PCGF5: variants seen among roughly 807,000 people sequenced by gnomAD.
PCGF5 encodes polycomb group ring finger 5.
PCGF5 carries 9 observed loss-of-function variants against 44.3 expected under a neutral mutation model. That is an observed-to-expected ratio of 0.20 (90% CI 0.12 to 0.35). The LOEUF is 0.35. Among genes scored for constraint, PCGF5 ranks in the 10% least tolerant of loss-of-function variants. The probability of loss-of-function intolerance (pLI) is 1.00; values close to 1 mark genes in which losing one functional copy is unlikely to be tolerated. For missense variants in PCGF5, 146 were observed against 305.3 expected (o/e 0.48, Z 3.89); for synonymous variants, 95 against 102.5 (o/e 0.93, Z 0.44).
Position 91,242,786 on chromosome 10 carries a change from A to G in PCGF5, c.209+2206A>G, listed in dbSNP as rs568051046. ...TATTTGAGGGTAAGTTACATGTGTC[A>G]TGGCCCCTTACTCTTAAATGCTTTA... On this transcript the variant is annotated intron_variant, in intron 3 of 9. Transcript: ENST00000336126. Among the ~76,000 whole-genome samples, 3 of 152,284 alleles carry G rather than the reference A, an allele frequency of 2.0e-5. No homozygotes were observed. In the East Asian group the frequency reaches 5.8e-4, roughly 29 times the overall value.
chr10:91,280,577 A>T lies in PCGF5; in HGVS notation c.*2261A>T, dbSNP rs888440170. On this transcript the variant is annotated 3_prime_UTR_variant, in exon 10 of 10. Transcript: ENST00000336126. ...AACACGTGAAAAGCTTACATAAAGA[A>T]AGGCATCAGTTGTCGTTTGGAGAAA... 1 of 152,520 alleles carries T rather than the reference A, an allele frequency of 6.6e-6. No individual in the cohort carries two copies. The highest frequency in any genetic ancestry group is 2.4e-5 in the African/African-American group (1 of 41,470). The allele number at this position is 152,520 out of a possible 1,614,324, so 9.4% of individuals were successfully genotyped here.
intron 3 of PCGF5, among the ~76,000 whole-genome samples, chr10:91,247,187 TA>T (rs950337180): frequency 2.0e-5 from 3 of 151,554 alleles, no homozygotes; most frequent in South Asian, 4.2e-4. Context: ...ACTTGAACAT[TA>T]AAAAAAACAA....
intron 8 of PCGF5, among the ~76,000 whole-genome samples, chr10:91,270,021 A>G (rs1283851056): frequency 6.6e-6 from 1 of 152,244 alleles, no homozygotes; most frequent in Non-Finnish European, 1.5e-5. Context: ...TGAAGTGTTT[A>G]GCAGAGTGTC....
chr10:91,227,253 T>G (rs1008345679), intron 2 of PCGF5: 1 of 449,200 alleles, frequency 2.2e-6, no homozygotes, highest in Non-Finnish European at 4.3e-6. Context: ...TTTTTTCCTG[T>G]GTGAACTCAT....
chr10:91,185,757 T>C (rs927293728), intron 1 of PCGF5, among the ~76,000 whole-genome samples: 1 of 152,130 alleles, frequency 6.6e-6, no homozygotes, highest in African/African-American at 2.4e-5. Context: ...GTTGCAAAGA[T>C]TGGTGGGGCA....
Position 91,209,259 on chromosome 10 carries a change from G to A in PCGF5, c.-183-13430G>A, listed in dbSNP as rs563559202. 2.4e-3 allele frequency among the ~76,000 whole-genome samples: 372 copies of A among 152,142 alleles called. 2 individuals carry two copies. The highest frequency in any genetic ancestry group is 3.9e-3 in the Non-Finnish European group (264 of 68,008). ...TATGTTAATTGATGGAATCTTCCTT[G>A]TAGAAGAAGAGAACTTTACAAGTGA... On this transcript the variant is annotated intron_variant, in intron 1 of 9. Coordinates refer to the PCGF5 transcript ENST00000614189.
intron 3 of PCGF5, among the ~76,000 whole-genome samples, chr10:91,246,025 G>C (rs1380723893): frequency 1.3e-5 from 2 of 152,152 alleles, no homozygotes. Context: ...GATTTAACCT[G>C]AGTTGTACTA....
At chr10:91,252,340 A>G (rs987647127) in intron 6 of PCGF5, among the ~76,000 whole-genome samples, 1 of 151,870 alleles carries the variant, frequency 6.6e-6, no homozygotes, top group Non-Finnish European at 1.5e-5. Flanking sequence ...GTTTAATGGC[A>G]TTTTCCTATT....
chr10:91,239,311 A>G (rs1182906427), intron 2 of PCGF5, among the ~76,000 whole-genome samples: 1 of 152,148 alleles, frequency 6.6e-6, no homozygotes, highest in Non-Finnish European at 1.5e-5. Context: ...TAAACAAACA[A>G]GAGGAAATGC....
chr10:91,233,066 A>G (rs1366834378), intron 2 of PCGF5, among the ~76,000 whole-genome samples: 1 of 152,194 alleles, frequency 6.6e-6, no homozygotes, highest in East Asian at 1.9e-4. Context: ...AAGTATGACC[A>G]AAGAAGAGAG....
At chr10:91,211,673 C>T (rs1844454291) in intron 1 of PCGF5, among the ~76,000 whole-genome samples, 2 of 152,154 alleles carry the variant, frequency 1.3e-5, no homozygotes, top group Non-Finnish European at 2.9e-5. Context: ...TGTAGAATTG[C>T]AACTGAATAG....
At chr10:91,239,688 A>G (rs1372205624) in intron 2 of PCGF5, among the ~76,000 whole-genome samples, 2 of 152,206 alleles carry the variant, frequency 1.3e-5, no homozygotes, top group African/African-American at 4.8e-5. Flanking sequence ...GGGGCAAAAC[A>G]TTGGCATAGT....
At chr10:91,193,280 C>T (rs1314227979) in intron 1 of PCGF5, among the ~76,000 whole-genome samples, 1 of 152,226 alleles carries the variant, frequency 6.6e-6, no homozygotes, top group Non-Finnish European at 1.5e-5. Context: ...CCTGCTGTCA[C>T]TTGGATTCTG....
intron 2 of PCGF5, among the ~76,000 whole-genome samples, chr10:91,235,351 A>G (rs566565006): frequency 6.6e-6 from 1 of 152,198 alleles, no homozygotes; most frequent in Non-Finnish European, 1.5e-5. Context: ...TTCAAATCTA[A>G]CAAATGGTAA....
intron 1 of PCGF5, among the ~76,000 whole-genome samples, chr10:91,194,037 CT>C (rs1042226234): frequency 4.6e-5 from 7 of 152,118 alleles, no homozygotes; most frequent in African/African-American, 1.4e-4. Context: ...ATGCAGAAAA[CT>C]TTGGGTGGAG....
intron 1 of PCGF5, 105 bp from the exon 2 acceptor site, chr10:91,222,584 C>A: frequency 4.3e-6 from 2 of 462,508 alleles, no homozygotes; most frequent in South Asian, 5.9e-5. Context: ...ACCTATTCAC[C>A]CAATTGGGAA....
At chr10:91,186,827 T>C (rs1401061074) in intron 1 of PCGF5, among the ~76,000 whole-genome samples, 1 of 152,140 alleles carries the variant, frequency 6.6e-6, no homozygotes, top group African/African-American at 2.4e-5. Context: ...TCTGGGGGAT[T>C]GCTTTACATT....
At chr10:91,267,748 T>C (rs1846081513) in intron 8 of PCGF5, among the ~76,000 whole-genome samples, 1 of 152,176 alleles carries the variant, frequency 6.6e-6, no homozygotes, top group African/African-American at 2.4e-5. Context: ...TGTAGCATAT[T>C]GTTGTGATCA....
chr10:91,163,442 C>A (rs1366900420), intron 1 of PCGF5, among the ~76,000 whole-genome samples: 2 of 151,982 alleles, frequency 1.3e-5, no homozygotes, highest in Non-Finnish European at 2.9e-5. Context: ...TGGAGGGAGA[C>A]CATGAAATGT....
Sources: gnomAD v4.1 joint callset for allele counts (sites outside exome capture counted in the v4.1 genomes callset) on GRCh38, gnomAD v4.1.1 for gene constraint, MANE v1.5 for transcripts, NCBI Gene and HGNC (gene_info 2026-07-23, HGNC 2026-07-21) for gene names.